Variants in TTC17 observed in about 807,000 individuals in gnomAD.
The protein encoded by TTC17 is tetratricopeptide repeat protein 17.
TTC17 carries 58 observed loss-of-function variants against 143.8 expected under a neutral mutation model. That is an observed-to-expected ratio of 0.40 (90% CI 0.33 to 0.50). The LOEUF is 0.50. Ranked by LOEUF, TTC17 falls within the 20% of genes least tolerant of loss-of-function variation. TTC17 has a pLI of 0.49. For missense variants in TTC17, 1,273 were observed against 1,392.5 expected, an observed-to-expected ratio of 0.91 and a Z score of 1.37; for synonymous variants, 501 against 497.8, an observed-to-expected ratio of 1.01 and a Z score of -0.09.
intron 16 of TTC17, among the ~76,000 whole-genome samples, chr11:43,417,612 G>T (rs1342077020): frequency 6.6e-6 from 1 of 152,144 alleles, no homozygotes; most frequent in Non-Finnish European, 1.5e-5. Flanking sequence ...AAGGTAGGTG[G>T]ATCACCTGGT....
rs758590405 is a variant in TTC17 at position 43,450,115 on chromosome 11, A to G, written c.2820A>G (p.Ile940Met). ...ITEHIDFATP[I>M]QQPAMEPLCN... ...AACACATAGATTTTGCCACCCCTAT[A>G]CAGCAGCCAGCAATGGAGCCTCTTT... The change falls in exon 20 of 24, where the codon ATA becomes ATG. Residue 940 changes from isoleucine to methionine, a missense_variant. Around this residue, in one of 3 missense-constraint regions of TTC17, gnomAD observed 878 missense variants for 899.8 expected, o/e 0.98. Transcript: ENST00000039989. 2.5e-6 allele frequency: 4 copies of G among 1,614,144 alleles called. No individual in the cohort carries two copies. Among genetic ancestry groups the G allele is most frequent in the Non-Finnish European group, 3.4e-6 (4 of 1,180,016 alleles).
chr11:43,416,499 G>A (rs559476615), intron 16 of TTC17, among the ~76,000 whole-genome samples: 1 of 152,148 alleles, frequency 6.6e-6, no homozygotes, highest in Admixed American at 6.5e-5. Flanking sequence ...GTCAAAAGAG[G>A]GAATACAGTT....
chr11:43,485,883 G>GTTTTTTTTTT (rs751026290), intron 21 of TTC17, among the ~76,000 whole-genome samples: 1 of 112,618 alleles, frequency 8.9e-6, no homozygotes, highest in Non-Finnish European at 1.8e-5. Flanking sequence ...TTGGTTTTTT[G>GTTTTTTTTTT]TTTTTTTTTT....
intron 5 of TTC17, 112 bp downstream of exon 5, chr11:43,392,064 C>G (rs1053136077): frequency 7.7e-7 from 1 of 1,294,576 alleles, no homozygotes; most frequent in African/African-American, 1.5e-5. Context: ...ATCTAGAAGA[C>G]GATTTAAAAT....
At chr11:43,449,931 C>T in intron 19 of TTC17, 151 bp from the exon 20 acceptor site, 1 of 847,642 alleles carries the variant, frequency 1.2e-6, no homozygotes, top group Admixed American at 3.0e-5. Flanking sequence ...TAGAAGAAAA[C>T]TTACTTCGTT....
At chr11:43,455,183 AT>A (rs1363082704) in intron 21 of TTC17, among the ~76,000 whole-genome samples, 2 of 151,796 alleles carry the variant, frequency 1.3e-5, no homozygotes, top group African/African-American at 4.8e-5. Flanking sequence ...AAAATAAGAA[AT>A]TTAGAATTTC....
At position 43,390,650 on chromosome 11, in the gene TTC17, AAAAAATAAAAATG is replaced by A. The variant is rs374358124; in HGVS notation, c.420-803_420-791del. ...AAAAAATAAAAAATAAATAAAAATAAAAAAATAAAAATGAAAAATAAAAAAGAGAAAAAAATAA... is the reference window on the plus strand; with the variant it reads ...AAAAAATAAAAAATAAATAAAAATAAAAAAATAAAAAAGAGAAAAAAATAA... On this transcript the variant is annotated intron_variant, in intron 3 of 23. Coordinates refer to ENST00000039989, the MANE Select transcript of TTC17 (RefSeq NM_018259.6). 8.1e-3 allele frequency among the ~76,000 whole-genome samples: 1,223 copies of A among 151,274 alleles called. 15 individuals carry two copies. Among genetic ancestry groups the A allele is most frequent in the African/African-American group, 0.029 (1,184 of 41,456 alleles).
chr11:43,378,520 G>A (rs1000211208), intron 1 of TTC17, among the ~76,000 whole-genome samples: 3 of 152,184 alleles, frequency 2.0e-5, no homozygotes, highest in Non-Finnish European at 2.9e-5. Flanking sequence ...ATGTTGTAAT[G>A]AGCATCCTTA....
intron 16 of TTC17, among the ~76,000 whole-genome samples, chr11:43,420,403 C>T (rs770616481): frequency 1.6e-4 from 24 of 152,164 alleles, no homozygotes; most frequent in African/African-American, 3.1e-4. Context: ...TGCATTTCTA[C>T]GTAAAACATG....
chr11:43,408,445 T>A (rs1009160737), intron 15 of TTC17, among the ~76,000 whole-genome samples: 2 of 152,190 alleles, frequency 1.3e-5, no homozygotes, highest in African/African-American at 2.4e-5. Flanking sequence ...GTACATCAAA[T>A]ATTTATCTAG....
At chr11:43,487,019 A>T (rs1228294363) in intron 21 of TTC17, among the ~76,000 whole-genome samples, 1 of 152,368 alleles carries the variant, frequency 6.6e-6, no homozygotes, top group Non-Finnish European at 1.5e-5. Context: ...ACTGCACTCC[A>T]GCCTGGGAGA....
rs1240656031 is a variant in TTC17, at chr11:43,392,043, A to C, written c.663+91A>C. 8.3e-6 allele frequency: 12 copies of C among 1,442,430 alleles called. No individual in the cohort carries two copies. The African/African-American group carries it at 1.5e-4, about 18-fold the overall frequency. The allele number at this position is 1,442,430 out of a possible 1,614,324, so 89.4% of individuals were successfully genotyped here. On this transcript the variant is annotated intron_variant, in intron 5 of 23. Coordinates refer to ENST00000039989, the MANE Select transcript of TTC17 (RefSeq NM_018259.6). ...TTTTTATCTTGGAAAATACCTGACT[A>C]ATTTGTTTTTATCTAGAAGACGATT... is the stretch of plus-strand genomic sequence containing the variant.
At chr11:43,359,162 G>C (rs1199943483) in intron 1 of TTC17, 49 bp downstream of exon 1, 1 of 1,511,124 alleles carries the variant, frequency 6.6e-7, no homozygotes, top group Non-Finnish European at 8.8e-7. Flanking sequence ...TCGCCCCGGG[G>C]GGATTACCCT....
Position 43,450,110 on chromosome 11 carries a change from C to G in TTC17, c.2815C>G (p.Pro939Ala), listed in dbSNP as rs1052778610. The G allele has an allele frequency of 3.7e-6, 6 of 1,613,898 alleles. No homozygotes were observed. In the African/African-American group the frequency reaches 8.0e-5, roughly 22 times the overall value. ...CACAGAACACATAGATTTTGCCACC[C>G]CTATACAGCAGCCAGCAATGGAGCC... ...DITEHIDFAT[P>A]IQQPAMEPLC... The change falls in exon 20 of 24, where the codon CCT (proline) becomes GCT (alanine). Residue 939 changes from proline to alanine, a missense_variant. This residue lies in a region of TTC17 where 878 missense variants were observed against 899.8 expected (regional missense o/e 0.98). Transcript: ENST00000039989.
rs752211407 is a variant in TTC17 at position 43,444,150 on chromosome 11, A to G, written c.2606A>G (p.His869Arg). The stretch of plus-strand genomic sequence containing the variant: ...GAAACAGGTCAGATAGAAAATGGAC[A>G]TCGTTACCAAGCAAACCTAGAGATC... ...KVETGQIENGHRYQANLEITG... is the reference protein window; with the variant it reads ...KVETGQIENGRRYQANLEITG... The change falls in exon 18 of 24, where the codon CAT becomes CGT. Residue 869 changes from histidine to arginine, a missense_variant. By Grantham distance (29) the His-to-Arg change is conservative (BLOSUM62 0). Transcript: ENST00000039989. 9.3e-6 allele frequency: 15 copies of G among 1,613,506 alleles called. No individual in the cohort carries two copies. Among genetic ancestry groups the G allele is most frequent in the South Asian group, 2.2e-5 (2 of 90,918 alleles).
chr11:43,474,544 C>T (rs1166128881), intron 21 of TTC17, among the ~76,000 whole-genome samples: 1 of 152,082 alleles, frequency 6.6e-6, no homozygotes, highest in Non-Finnish European at 1.5e-5. Flanking sequence ...GCAGTTTCTA[C>T]TTAAAATTAA....
rs531705935 is a variant in TTC17 at position 43,489,495 on chromosome 11, T to C, written c.3031-744T>C. Among the ~76,000 whole-genome samples the C allele has an allele frequency of 3.3e-5, 5 of 152,252 alleles. No individual in the cohort carries two copies. The South Asian group carries it at 1.0e-3, about 32-fold the overall frequency. On this transcript the variant is annotated intron_variant, in intron 21 of 23. Transcript: ENST00000039989. ...GCTTATGCCTGTAATCCCAGCACTT[T>C]GGGAGGCCGAAGTGTGCAGATCACC...
intron 1 of TTC17, among the ~76,000 whole-genome samples, chr11:43,364,129 T>A (rs2134432351): frequency 1.4e-5 from 2 of 144,480 alleles, no homozygotes; most frequent in Middle Eastern, 6.9e-3. Flanking sequence ...TGATTCTGGC[T>A]CACTGCAACC....
intron 21 of TTC17, among the ~76,000 whole-genome samples, chr11:43,476,502 T>C (rs759507802): frequency 5.9e-5 from 9 of 152,234 alleles, no homozygotes; most frequent in African/African-American, 1.4e-4. Context: ...AATTGGACTT[T>C]CCGTACATCT....
Sources: allele counts gnomAD v4.1 joint callset (sites outside exome capture counted in the v4.1 genomes callset), GRCh38; gene constraint gnomAD v4.1.1; regional missense constraint gnomAD v4.1.1; transcripts MANE v1.5; gene names NCBI Gene and HGNC (gene_info 2026-07-23, HGNC 2026-07-21).